PLA2G4D: variants seen among roughly 807,000 people sequenced by gnomAD.
PLA2G4D encodes cytosolic phospholipase A2 delta.
Under a neutral mutation model 94.4 loss-of-function variants are expected in PLA2G4D, and 80 were observed. The ratio of observed to expected loss-of-function variants is 0.85; its 90% CI spans 0.71 to 1.02. The LOEUF (loss-of-function observed/expected upper bound fraction) is 1.02. Among genes scored for constraint, PLA2G4D ranks in the 50% least tolerant of loss-of-function variants. The probability of loss-of-function intolerance (pLI) is 0.00; values close to 1 mark genes in which losing one functional copy is unlikely to be tolerated. For synonymous variants in PLA2G4D, 438 were observed against 440.9 expected (o/e 0.99, Z 0.08); for missense variants, 1,050 against 1,034.7 (o/e 1.01, Z -0.20).
intron 5 of PLA2G4D, 67 bp from the exon 6 acceptor site, chr15:42,085,205 G>A: frequency 6.4e-7 from 1 of 1,572,378 alleles, no homozygotes; most frequent in South Asian, 1.1e-5. Flanking sequence ...GCCCATGTGG[G>A]GTCTCCCTGG....
At chr15:42,072,430 G>A in intron 13 of PLA2G4D, 38 bp from the exon 14 acceptor site, 1 of 1,541,218 alleles carries the variant, frequency 6.5e-7, no homozygotes, top group Non-Finnish European at 8.9e-7. Flanking sequence ...GTGAGGCTGG[G>A]AGTACCCTGG....
chr15:42,077,570 C>A (rs562131756), intron 13 of PLA2G4D, among the ~76,000 whole-genome samples: 1 of 152,334 alleles, frequency 6.6e-6, no homozygotes, highest in African/African-American at 2.4e-5. Flanking sequence ...TTTGTTATTA[C>A]TAATCTTTGG....
chr15:42,076,715 G>C (rs1316817724), intron 13 of PLA2G4D, among the ~76,000 whole-genome samples: 2 of 152,140 alleles, frequency 1.3e-5, no homozygotes, highest in Non-Finnish European at 2.9e-5. Flanking sequence ...GTCTGCCCAA[G>C]ATATAGAGAA....
chr15:42,077,757 C>T (rs1315309486), intron 13 of PLA2G4D, among the ~76,000 whole-genome samples: 1 of 152,244 alleles, frequency 6.6e-6, no homozygotes, highest in East Asian at 1.9e-4. Flanking sequence ...TCCTCTGTTG[C>T]TTGGCCAGGG....
Position 42,071,867 on chromosome 15 carries a change from C to T in PLA2G4D, c.1480G>A (p.Gly494Arg), listed in dbSNP as rs769798028. The T allele has an allele frequency of 1.1e-5, 17 of 1,614,162 alleles. No individual in the cohort carries two copies. Among genetic ancestry groups the T allele is most frequent in the African/African-American group, 1.3e-5 (1 of 75,058 alleles). Residue 494 changes from glycine (G) to arginine (R), a missense_variant, in exon 15 of 20, where the codon GGG becomes AGG. Physicochemically the swap from Gly to Arg is moderately radical, Grantham distance 125. Transcript: ENST00000290472. Reference protein sequence around the residue: ...SPYEVGFLKYGAFVPPELFGS... With the variant: ...SPYEVGFLKYRAFVPPELFGS... The stretch of plus-strand genomic sequence containing the variant: ...AAGAGCTCAGGAGGGACGAAGGCCC[C>T]GTACTTCAGGAAACCGACCTCATAG...
chr15:42,083,565 C>T (rs898357287), intron 7 of PLA2G4D, 151 bp downstream of exon 7: 73 of 1,093,666 alleles, frequency 6.7e-5, no homozygotes, highest in African/African-American at 3.6e-4. Flanking sequence ...TCCTGCCCAG[C>T]GGAGATGCGT....
chr15:42,085,484 T>C lies in PLA2G4D; in HGVS notation c.428+7A>G. 6.2e-7 allele frequency: 1 copy of C among 1,613,064 alleles called. No individual in the cohort carries two copies. The highest frequency in any genetic ancestry group is 1.1e-5 in the South Asian group (1 of 91,066). ...AGACACTCCCTGGGCTGTGTGACAT[T>C]ACTCACGTTTCTTCCATCAGGAACT... On this transcript the variant is annotated splice_region_variant and intron_variant, in intron 5 of 19. Coordinates refer to ENST00000290472, the MANE Select transcript of PLA2G4D (RefSeq NM_178034.4).
In PLA2G4D at chr15:42,072,744, C is replaced by T. The variant is rs766509321; in HGVS notation, c.1318-352G>A. ...ACACAAGGACACATGCACACATCCA[C>T]GTATTGCTTTGTAGAAAGGATGCAG... is the stretch of plus-strand genomic sequence containing the variant. On this transcript the variant is annotated intron_variant, in intron 13 of 19. Coordinates refer to ENST00000290472, the MANE Select transcript of PLA2G4D (RefSeq NM_178034.4). Among the ~76,000 whole-genome samples the T allele has an allele frequency of 2.6e-5, 4 of 152,186 alleles. No homozygotes were observed. The East Asian group carries it at 5.8e-4, about 22-fold the overall frequency.
intron 3 of PLA2G4D, 88 bp downstream of exon 3, chr15:42,087,212 C>T: frequency 6.4e-7 from 1 of 1,551,414 alleles, no homozygotes; most frequent in Non-Finnish European, 8.8e-7. Flanking sequence ...CTCTGACAGC[C>T]CCAGAGGAAG....
rs776133237 is a variant in PLA2G4D at position 42,068,867 on chromosome 15, A to C, written c.2305T>G (p.Ser769Ala). Residue 769 changes from serine to alanine, a missense_variant, in exon 20 of 20, where the codon TCC becomes GCC. By Grantham distance (99) the Ser-to-Ala change is moderately conservative (BLOSUM62 1). Coordinates refer to ENST00000290472, the MANE Select transcript of PLA2G4D (RefSeq NM_178034.4). ...TCTTCCTCCTTGTAGGTCATGTTGG[A>C]CAGGGTGTAGGGGCAGGTGGCCCCG... is the stretch of plus-strand genomic sequence containing the variant. ...LTGATCPYTL[S>A]NMTYKEEDFE... 3 of 1,613,694 alleles carry C rather than the reference A, an allele frequency of 1.9e-6. No individual in the cohort carries two copies. The highest frequency in any genetic ancestry group is 1.7e-5 in the Admixed American group (1 of 60,002).
intron 6 of PLA2G4D, 45 bp downstream of exon 6, chr15:42,085,051 C>T (rs570160918): frequency 3.1e-6 from 5 of 1,605,676 alleles, no homozygotes; most frequent in South Asian, 2.2e-5. Flanking sequence ...CCTCCCCAAG[C>T]GTCTGCTCTG....
chr15:42,079,077 T>C (rs562392907), intron 13 of PLA2G4D, among the ~76,000 whole-genome samples: 1 of 152,306 alleles, frequency 6.6e-6, no homozygotes, highest in African/African-American at 2.4e-5. Flanking sequence ...TTATCCCCAT[T>C]GTACAGATCA....
rs1595588142 is a variant in PLA2G4D at position 42,068,509 on chromosome 15, A to G, written c.*206T>C. The G allele has an allele frequency of 6.8e-6, 4 of 590,494 alleles. No homozygotes were observed. In the East Asian group the frequency reaches 1.1e-4, roughly 17 times the overall value. The allele number at this position is 590,494 out of a possible 1,614,324, so 36.6% of individuals were successfully genotyped here. The stretch of plus-strand genomic sequence containing the variant: ...GCTGTTCTACACACTGGCCTGGCGA[A>G]GTTATTTTCAACTCATCTCAAGCCA... On this transcript the variant is annotated 3_prime_UTR_variant, in exon 20 of 20. Coordinates refer to ENST00000290472, the MANE Select transcript of PLA2G4D (RefSeq NM_178034.4).
rs11638531 is a variant in PLA2G4D, at chr15:42,074,691, T to G, written c.1318-2299A>C. On this transcript the variant is annotated intron_variant, in intron 13 of 19. Transcript: ENST00000290472. ...ATTGGTCATAAATGGAGTTATATAT[T>G]CTGACATTGTAAGTGATTTTTGGTA... Among the ~76,000 whole-genome samples the G allele has an allele frequency of 7.2e-5, 11 of 152,036 alleles. No homozygotes were observed. In the East Asian group the frequency reaches 1.2e-3, roughly 16 times the overall value.
chr15:42,077,844 G>A (rs547944011), intron 13 of PLA2G4D, among the ~76,000 whole-genome samples: 28 of 152,318 alleles, frequency 1.8e-4, no homozygotes, highest in Middle Eastern at 3.4e-3. Context: ...TAAGATTAAG[G>A]AGGAGTGTCT....
intron 18 of PLA2G4D, 36 bp downstream of exon 18, chr15:42,070,681 C>T: frequency 6.5e-7 from 1 of 1,540,932 alleles, no homozygotes; most frequent in East Asian, 2.5e-5. Context: ...CTTGGCCTGG[C>T]TGGGCAGAGG....
At position 42,094,442 on chromosome 15, in the gene PLA2G4D, A is replaced by C; in HGVS notation, c.18T>G (p.Pro6=). The change falls in exon 1 of 20, where the codon CCT becomes CCG. Residue 6 remains proline (P), a synonymous_variant. Transcript: ENST00000290472. ...GGTAAGGGTGGCCAGGTGGTCCCCC[A>C]GGTGACAGGCTCTCCATGCTAGCCC... MESLS[P]GGPPGHPYQG... 2 of 1,614,088 alleles carry C rather than the reference A, an allele frequency of 1.2e-6. No individual in the cohort carries two copies. Among genetic ancestry groups the C allele is most frequent in the Non-Finnish European group, 1.7e-6 (2 of 1,179,978 alleles).
chr15:42,087,460 G>C (rs760922728), intron 2 of PLA2G4D, 24 bp from the exon 3 acceptor site: 7 of 1,613,710 alleles, frequency 4.3e-6, no homozygotes, highest in Middle Eastern at 3.3e-4. Flanking sequence ...GGAAGTCTTC[G>C]TGAGGGAGTA....
intron 1 of PLA2G4D, among the ~76,000 whole-genome samples, chr15:42,093,013 A>G (rs1159833505): frequency 6.6e-6 from 1 of 151,590 alleles, no homozygotes; most frequent in East Asian, 1.9e-4. Context: ...CAGGCCCTGC[A>G]CCTCCCTCAG....
Sources: allele counts gnomAD v4.1 joint callset (sites outside exome capture counted in the v4.1 genomes callset), GRCh38; gene constraint gnomAD v4.1.1; transcripts MANE v1.5; gene names NCBI Gene and HGNC (gene_info 2026-07-23, HGNC 2026-07-21).